NR2F1-AS1: variants seen among roughly 807,000 people sequenced by gnomAD.
NR2F1-AS1 encodes NR2F1 regulatory antisense RNA 1.
upstream of NR2F1-AS1, among the ~76,000 whole-genome samples, chr5:93,581,668 GTC>G (rs1232503527): frequency 9.3e-5 from 3 of 32,124 alleles, no homozygotes; most frequent in Non-Finnish European, 1.3e-4. Context: ...CGGGGTCTCG[GTC>G]TCTCTCTCTC....
intron 4 of NR2F1-AS1, among the ~76,000 whole-genome samples, chr5:93,519,590 T>G (rs935015561): frequency 3.3e-5 from 5 of 152,160 alleles, no homozygotes; most frequent in African/African-American, 1.2e-4. Context: ...AAAGTATATA[T>G]AAGTGTATAT....
chr5:93,451,862 C>T (rs1274000765), intron 4 of NR2F1-AS1, among the ~76,000 whole-genome samples: 2 of 152,176 alleles, frequency 1.3e-5, no homozygotes, highest in Non-Finnish European at 2.9e-5. Flanking sequence ...GTCAAGCATG[C>T]TTGAGGGCAG....
chr5:93,543,526 C>A (rs538665076), intron 4 of NR2F1-AS1: 2 of 151,696 alleles, frequency 1.3e-5, no homozygotes, highest in Non-Finnish European at 2.9e-5. Flanking sequence ...AACTAGTGAA[C>A]TGGAGGGCAG....
chr5:93,433,734 T>A (rs1174218374), intron 4 of NR2F1-AS1, among the ~76,000 whole-genome samples: 1 of 152,210 alleles, frequency 6.6e-6, no homozygotes, highest in Non-Finnish European at 1.5e-5. Flanking sequence ...ATTTTTTATC[T>A]GTCCTCTAGT....
At chr5:93,527,852 T>C (rs1751653122) in intron 4 of NR2F1-AS1, among the ~76,000 whole-genome samples, 1 of 152,198 alleles carries the variant, frequency 6.6e-6, no homozygotes, top group African/African-American at 2.4e-5. Flanking sequence ...TAACTCAACA[T>C]GGATTAAAGA....
intron 4 of NR2F1-AS1, chr5:93,542,366 T>A (rs1445092106): frequency 6.6e-6 from 1 of 152,092 alleles, no homozygotes; most frequent in East Asian, 1.9e-4. Context: ...ATTATTGATA[T>A]TTGGGGCTAT....
chr5:93,495,214 T>G (rs1353538500), intron 4 of NR2F1-AS1, among the ~76,000 whole-genome samples: 1 of 152,198 alleles, frequency 6.6e-6, no homozygotes, highest in East Asian at 1.9e-4. Context: ...TACATACATG[T>G]GGCTGTTCTT....
rs570822492 is a variant in NR2F1-AS1, at chr5:93,411,131, T to G, written n.639-15589A>C. 6 of 152,356 alleles carry G rather than the reference T, an allele frequency of 3.9e-5. No homozygotes were observed. In the East Asian group the frequency reaches 1.2e-3, roughly 29 times the overall value. The allele number at this position is 152,356 out of a possible 1,614,324, so 9.4% of individuals were successfully genotyped here. A position where few individuals can be genotyped will look rare whatever the true frequency, so the allele number is the denominator to read the frequency against. ...TTATTGAAGACAGGCTCCACATCTT[T>G]GTCTCCCACATCTTCTTCCCCTATT... On this transcript the variant is annotated intron_variant and non_coding_transcript_variant, in intron 4 of 5. Coordinates refer to ENST00000660523, the Ensembl canonical transcript of NR2F1-AS1.
intron 4 of NR2F1-AS1, among the ~76,000 whole-genome samples, chr5:93,512,071 G>A (rs1459036063): frequency 6.6e-6 from 1 of 152,170 alleles, no homozygotes; most frequent in East Asian, 1.9e-4. Context: ...TCCTTCAGGA[G>A]CCTCAGGCAA....
chr5:93,553,784 T>A (rs1384544499), exon 4 of NR2F1-AS1: 1 of 152,224 alleles, frequency 6.6e-6, no homozygotes, highest in Non-Finnish European at 1.5e-5. Flanking sequence ...GAGCTGCAAG[T>A]TGTTGTTCCA....
intron 1 of NR2F1-AS1, among the ~76,000 whole-genome samples, chr5:93,577,691 C>G (rs1489453916): frequency 6.6e-6 from 1 of 152,184 alleles, no homozygotes; most frequent in Non-Finnish European, 1.5e-5. Context: ...TGGCTTTAAT[C>G]TCATGCCAGG....
chr5:93,552,633 T>C (rs1195507746), intron 4 of NR2F1-AS1, among the ~76,000 whole-genome samples: 1 of 142,878 alleles, frequency 7.0e-6, no homozygotes, highest in Non-Finnish European at 1.5e-5. Flanking sequence ...GATTTGTTTA[T>C]ACTGTAAAGA....
At chr5:93,582,126 C>A (rs1312919084), upstream of NR2F1-AS1, among the ~76,000 whole-genome samples, 1 of 143,236 alleles carries the variant, frequency 7.0e-6, no homozygotes, top group Non-Finnish European at 1.5e-5. Flanking sequence ...CGCCTCCCCC[C>A]CTCTCCATCT....
chr5:93,568,384 C>T (rs1261677026), intron 1 of NR2F1-AS1, among the ~76,000 whole-genome samples: 2 of 152,050 alleles, frequency 1.3e-5, no homozygotes, highest in African/African-American at 4.8e-5. Context: ...AGTTATGCAC[C>T]TTACTATGTC....
intron 4 of NR2F1-AS1, among the ~76,000 whole-genome samples, chr5:93,434,471 C>G (rs920475488): frequency 1.3e-5 from 2 of 152,150 alleles, no homozygotes; most frequent in Admixed American, 1.3e-4. Flanking sequence ...CCTTCCCCCT[C>G]TCTTCTCTAT....
At position 93,518,408 on chromosome 5, in the gene NR2F1-AS1, C is replaced by T. The variant is rs1318382078; in HGVS notation, n.638+35353G>A. 5.3e-5 allele frequency among the ~76,000 whole-genome samples: 8 copies of T among 152,026 alleles called. No homozygotes were observed. The East Asian group carries it at 5.8e-4, about 11-fold the overall frequency. ...TTTGTATGGAACCTTACAGTTTCAA[C>T]GTATTTTCACAATGATGATTTCACT... On this transcript the variant is annotated intron_variant and non_coding_transcript_variant, in intron 4 of 5. Coordinates refer to ENST00000660523, the Ensembl canonical transcript of NR2F1-AS1.
At chr5:93,420,528 C>T (rs1161282660) in intron 4 of NR2F1-AS1, among the ~76,000 whole-genome samples, 1 of 151,944 alleles carries the variant, frequency 6.6e-6, no homozygotes, top group Admixed American at 6.5e-5. Flanking sequence ...GCAGAGTAGA[C>T]AAGTCAAGAA....
chr5:93,450,010 A>T (rs1423536329), intron 4 of NR2F1-AS1, among the ~76,000 whole-genome samples: 1 of 152,180 alleles, frequency 6.6e-6, no homozygotes, highest in Admixed American at 6.5e-5. Context: ...ACTATTAGGA[A>T]GTTCTGTGAG....
intron 4 of NR2F1-AS1, among the ~76,000 whole-genome samples, chr5:93,464,241 C>G (rs1007515110): frequency 1.3e-5 from 2 of 152,138 alleles, no homozygotes; most frequent in Non-Finnish European, 2.9e-5. Flanking sequence ...GGGAGTTTCA[C>G]TGCACAAGCT....
Sources: gnomAD v4.1 joint callset for allele counts (sites outside exome capture counted in the v4.1 genomes callset) on GRCh38, gnomAD v4.1.1 for gene constraint, MANE v1.5 for transcripts, NCBI Gene and HGNC (gene_info 2026-07-23, HGNC 2026-07-21) for gene names.